PLVAP: variants seen among roughly 807,000 people sequenced by gnomAD.
The protein encoded by PLVAP is plasmalemma vesicle associated protein.
PLVAP carries 34 observed loss-of-function variants against 43.1 expected under a neutral mutation model. The observed-to-expected ratio is 0.79, with a 90% confidence interval of 0.60 to 1.05. The LOEUF is 1.05. Among genes scored for constraint, PLVAP ranks in the 50% least tolerant of loss-of-function variants. PLVAP has a pLI of 0.00. For missense variants in PLVAP, 574 were observed against 593.4 expected, an observed-to-expected ratio of 0.97 and a Z score of 0.34; for synonymous variants, 241 against 237.3, an observed-to-expected ratio of 1.02 and a Z score of -0.14.
chr19:17,358,891 C>T (rs1043794708), intron 5 of PLVAP, among the ~76,000 whole-genome samples: 1 of 151,852 alleles, frequency 6.6e-6, no homozygotes, highest in Non-Finnish European at 1.5e-5. Flanking sequence ...CCTCCACCTC[C>T]TGGACTCGGG....
Position 17,353,015 on chromosome 19 carries a change from G to A in PLVAP, c.1323-647C>T, listed in dbSNP as rs190416413. ...GCCCCACCGCCTTTGCACGATCGGA[G>A]TTGTCTTGCTATCTGGGATGCCCTC... On this transcript the variant is annotated intron_variant, in intron 5 of 5. Transcript: ENST00000252590. Among the ~76,000 whole-genome samples the A allele has an allele frequency of 2.6e-4, 40 of 152,350 alleles. 1 individual carries two copies. The East Asian group carries it at 5.8e-3, about 22-fold the overall frequency.
intron 1 of PLVAP, among the ~76,000 whole-genome samples, chr19:17,369,414 A>G (rs950639922): frequency 5.5e-5 from 8 of 144,852 alleles, no homozygotes; most frequent in African/African-American, 1.7e-4. Flanking sequence ...TCGAACTCCT[A>G]ACCTCAAGTG....
At chr19:17,355,245 A>ATAATAATAATAG (rs2074502029) in intron 5 of PLVAP, among the ~76,000 whole-genome samples, 2 of 147,278 alleles carry the variant, frequency 1.4e-5, no homozygotes, top group South Asian at 4.3e-4. Context: ...AATAATAATA[A>ATAATAATAATAG]TAATAATAAT....
rs752422859 is a variant in PLVAP, at chr19:17,352,320, GC to G, written c.*41del. On this transcript the variant is annotated 3_prime_UTR_variant, in exon 6 of 6. Transcript: ENST00000252590. ...CATATCCCTGCATCCTCCGCAAACC[GC>G]CGAGTCGGGCCATCCCTTGGTCCTC... is the stretch of plus-strand genomic sequence containing the variant. 3 of 1,612,044 alleles carry G rather than the reference GC, an allele frequency of 1.9e-6. No homozygotes were observed. In the African/African-American group the frequency reaches 4.0e-5, roughly 22 times the overall value.
intron 1 of PLVAP, among the ~76,000 whole-genome samples, chr19:17,371,631 C>T (rs1425994133): frequency 6.6e-6 from 1 of 152,066 alleles, no homozygotes; most frequent in Non-Finnish European, 1.5e-5. Context: ...GCTGGGATTA[C>T]AGGCACGTGC....
At chr19:17,364,822 G>C (rs538885019) in intron 3 of PLVAP, among the ~76,000 whole-genome samples, 81 of 143,138 alleles carry the variant, frequency 5.7e-4, no homozygotes, top group Admixed American at 1.2e-3. Context: ...ACCCAGGCTG[G>C]AGTGCAATGG....
intron 5 of PLVAP, 22 bp downstream of exon 5, chr19:17,360,506 T>A (rs571083748): frequency 6.2e-7 from 1 of 1,608,234 alleles, no homozygotes; most frequent in African/African-American, 1.3e-5. Flanking sequence ...ACTGAACAAC[T>A]GCAGTCTGCC....
intron 1 of PLVAP, among the ~76,000 whole-genome samples, chr19:17,371,684 T>C (rs2074572724): frequency 6.6e-6 from 1 of 152,120 alleles, no homozygotes; most frequent in African/African-American, 2.4e-5. Flanking sequence ...GGTCTCACCA[T>C]GTTGCCCAGG....
Position 17,352,245 on chromosome 19 carries a change from G to A in PLVAP, c.*117C>T, listed in dbSNP as rs2074488869. 2 of 1,340,016 alleles carry A rather than the reference G, an allele frequency of 1.5e-6. No individual in the cohort carries two copies. The highest frequency in any genetic ancestry group is 2.0e-6 in the Non-Finnish European group (2 of 978,656). The allele number at this position is 1,340,016 out of a possible 1,614,324, so 83.0% of individuals were successfully genotyped here. The stretch of plus-strand genomic sequence containing the variant: ...GCATGCAGGGAGTTGTCTGATGGTG[G>A]CCCTGGGTGGTTGGGGGCGGCGGGA... On this transcript the variant is annotated 3_prime_UTR_variant, in exon 6 of 6. Transcript: ENST00000252590.
At position 17,351,953 on chromosome 19, in the gene PLVAP, ATG is replaced by A. The variant is rs1243716993; in HGVS notation, c.*407_*408del. ...ATCGCCGCGTCTGTGTGACATTAAT[ATG>A]TGTGACGTCGACATGGCCCGTGACG... is the stretch of plus-strand genomic sequence containing the variant. On this transcript the variant is annotated 3_prime_UTR_variant, in exon 6 of 6. Coordinates refer to ENST00000252590, the MANE Select transcript of PLVAP (RefSeq NM_031310.3). The A allele has an allele frequency of 1.5e-5, 4 of 260,408 alleles. No individual in the cohort carries two copies. Among genetic ancestry groups the A allele is most frequent in the African/African-American group, 2.3e-5 (1 of 43,980 alleles). 16.1% of individuals were successfully genotyped at this position (260,408 alleles called of 1,614,324 possible).
intron 3 of PLVAP, among the ~76,000 whole-genome samples, chr19:17,363,456 C>T (rs899073771): frequency 2.6e-5 from 4 of 152,140 alleles, no homozygotes; most frequent in African/African-American, 4.8e-5. Flanking sequence ...TGTGGGCCAC[C>T]GCGCCTGGTC....
At chr19:17,368,145 C>G (rs1368640994) in intron 1 of PLVAP, among the ~76,000 whole-genome samples, 1 of 147,894 alleles carries the variant, frequency 6.8e-6, no homozygotes, top group Non-Finnish European at 1.5e-5. Flanking sequence ...GATCTCGGCT[C>G]ACTGCAACCT....
chr19:17,371,970 G>A (rs1389939473), intron 1 of PLVAP, among the ~76,000 whole-genome samples: 1 of 151,774 alleles, frequency 6.6e-6, no homozygotes, highest in Non-Finnish European at 1.5e-5. Context: ...GGGGGACATG[G>A]GGAATGCCTT....
intron 5 of PLVAP, among the ~76,000 whole-genome samples, chr19:17,358,114 G>C (rs987191424): frequency 2.6e-5 from 4 of 152,166 alleles, no homozygotes; most frequent in African/African-American, 9.7e-5. Flanking sequence ...TGTTTGCTTG[G>C]AGCGGGGAAT....
At chr19:17,352,501 T>TG in intron 5 of PLVAP, 133 bp from the exon 6 acceptor site, 1 of 970,530 alleles carries the variant, frequency 1.0e-6, no homozygotes, top group South Asian at 1.4e-5. Flanking sequence ...CCTACCACCC[T>TG]GGGCCCCTAC....
At chr19:17,352,540 G>A (rs1248414938) in intron 5 of PLVAP, among the ~76,000 whole-genome samples, 172 bp from the exon 6 acceptor site, 2 of 151,974 alleles carry the variant, frequency 1.3e-5, no homozygotes, top group Admixed American at 6.6e-5. Context: ...GGGCTCCTTC[G>A]GGTTCAGCCT....
intron 1 of PLVAP, among the ~76,000 whole-genome samples, chr19:17,368,663 C>T (rs2145724632): frequency 6.6e-6 from 1 of 152,174 alleles, no homozygotes; most frequent in Admixed American, 6.6e-5. Flanking sequence ...GAAGAAGATG[C>T]CACCTGCAAG....
At chr19:17,374,814 G>T (rs186978795) in intron 1 of PLVAP, among the ~76,000 whole-genome samples, 191 of 140,488 alleles carry the variant, frequency 1.4e-3, no homozygotes, top group African/African-American at 4.5e-3. Flanking sequence ...ATGTATGTAT[G>T]TATGTATGTA....
At chr19:17,361,481 G>A (rs772736023) in intron 3 of PLVAP, among the ~76,000 whole-genome samples, 7 of 151,942 alleles carry the variant, frequency 4.6e-5, no homozygotes, top group Admixed American at 6.6e-5. Flanking sequence ...AGACCCCATC[G>A]GAGTCTACTC....
Sources: gnomAD v4.1 joint callset for allele counts (sites outside exome capture counted in the v4.1 genomes callset) on GRCh38, gnomAD v4.1.1 for gene constraint, MANE v1.5 for transcripts, NCBI Gene and HGNC (gene_info 2026-07-23, HGNC 2026-07-21) for gene names.